ADGRL2: variants seen among roughly 807,000 people sequenced by gnomAD.
The protein encoded by ADGRL2 is calcium-independent alpha-latrotoxin receptor 2.
A neutral mutation model predicts 157.4 loss-of-function variants in ADGRL2; 44 were observed. The ratio of observed to expected loss-of-function variants is 0.28; its 90% CI spans 0.22 to 0.36. The LOEUF is 0.36. Ranked by LOEUF, ADGRL2 falls within the 10% of genes least tolerant of loss-of-function variation. ADGRL2 has a pLI of 1.00. For missense variants in ADGRL2, 1,510 were observed against 1,768.9 expected (o/e 0.85, Z 2.63); for synonymous variants, 585 against 624.7 (o/e 0.94, Z 0.95).
At chr1:81,462,331 T>G (rs1187610341) in intron 2 of ADGRL2, among the ~76,000 whole-genome samples, 1 of 152,182 alleles carries the variant, frequency 6.6e-6, no homozygotes, top group Admixed American at 6.5e-5. Context: ...TGTGGAAGGT[T>G]AGTTCTTTTG....
At chr1:81,433,517 C>G (rs1347805860) in intron 1 of ADGRL2, among the ~76,000 whole-genome samples, 6 of 152,020 alleles carry the variant, frequency 3.9e-5, no homozygotes, top group Non-Finnish European at 8.8e-5. Flanking sequence ...TCAGGAGCAC[C>G]CTGTGAAAGC....
At chr1:81,888,958 T>C (rs1240221222) in intron 2 of ADGRL2, among the ~76,000 whole-genome samples, 3 of 152,178 alleles carry the variant, frequency 2.0e-5, no homozygotes, top group African/African-American at 7.2e-5. Flanking sequence ...ATGTGTATTA[T>C]TGTAATTGGA....
At chr1:81,609,743 T>C (rs2081503032) in intron 3 of ADGRL2, among the ~76,000 whole-genome samples, 1 of 152,190 alleles carries the variant, frequency 6.6e-6, no homozygotes, top group South Asian at 2.1e-4. Flanking sequence ...CAGAGTCTTT[T>C]AAACCAATGT....
intron 2 of ADGRL2, among the ~76,000 whole-genome samples, chr1:81,776,228 G>A (rs965195065): frequency 4.1e-5 from 6 of 147,738 alleles, no homozygotes; most frequent in East Asian, 2.0e-4. Context: ...TCACTCTGTC[G>A]CCTAGGCTGG....
intron 3 of ADGRL2, among the ~76,000 whole-genome samples, chr1:81,598,197 G>T (rs1394909556): frequency 1.3e-5 from 2 of 152,148 alleles, no homozygotes; most frequent in Non-Finnish European, 2.9e-5. Context: ...GGGGTAGAAT[G>T]GTCTTGGTTA....
intron 1 of ADGRL2, chr1:81,721,804 C>T (rs1434216667): frequency 3.5e-6 from 4 of 1,129,014 alleles, no homozygotes; most frequent in Non-Finnish European, 4.0e-6. Flanking sequence ...TGGGAGCAGG[C>T]GGTAAAGTAC....
chr1:81,515,530 A>G (rs538946253), intron 2 of ADGRL2, among the ~76,000 whole-genome samples: 2 of 151,788 alleles, frequency 1.3e-5, no homozygotes, highest in Non-Finnish European at 2.9e-5. Flanking sequence ...TATAGACAGT[A>G]TAGTAGTTGG....
chr1:81,636,890 C>T (rs971363551), intron 3 of ADGRL2, among the ~76,000 whole-genome samples: 4 of 152,136 alleles, frequency 2.6e-5, no homozygotes, highest in African/African-American at 9.7e-5. Context: ...GATGGGAGTG[C>T]AGTGGCGCGA....
intron 3 of ADGRL2, among the ~76,000 whole-genome samples, chr1:81,651,032 A>G (rs1210504625): frequency 6.6e-6 from 1 of 152,216 alleles, no homozygotes; most frequent in African/African-American, 2.4e-5. Context: ...GAGATGTGCC[A>G]TGCCACATTT....
At chr1:81,970,624 A>G (rs915721016) in intron 16 of ADGRL2, 90 bp downstream of exon 16, 3 of 901,888 alleles carry the variant, frequency 3.3e-6, no homozygotes, top group African/African-American at 3.4e-5. Context: ...ACAGATTAAA[A>G]TAGCATCTGA....
chr1:81,435,822 T>C (rs1238879048), intron 1 of ADGRL2, among the ~76,000 whole-genome samples: 1 of 152,026 alleles, frequency 6.6e-6, no homozygotes, highest in African/African-American at 2.4e-5. Context: ...TCAGACAGGG[T>C]GCGGTGGCTC....
At chr1:81,381,276 A>T (rs145374512) in intron 1 of ADGRL2, among the ~76,000 whole-genome samples, 68 of 152,276 alleles carry the variant, frequency 4.5e-4, no homozygotes, top group African/African-American at 1.5e-3. Flanking sequence ...ATTTGGTTTC[A>T]TGTTACATTG....
intron 1 of ADGRL2, among the ~76,000 whole-genome samples, chr1:81,336,062 T>A (rs1014739838): frequency 1.3e-5 from 2 of 152,288 alleles, no homozygotes; most frequent in South Asian, 2.1e-4. Flanking sequence ...CAAGGGAGAT[T>A]ATTATCAGAC....
intron 1 of ADGRL2, among the ~76,000 whole-genome samples, chr1:81,820,193 G>A (rs1478119786): frequency 6.6e-6 from 1 of 152,126 alleles, no homozygotes; most frequent in African/African-American, 2.4e-5. Context: ...ACTCAGAGTA[G>A]GCTCTCAATG....
At chr1:81,864,316 T>C (rs1203861361) in intron 2 of ADGRL2, among the ~76,000 whole-genome samples, 1 of 150,764 alleles carries the variant, frequency 6.6e-6, no homozygotes, top group Non-Finnish European at 1.5e-5. Flanking sequence ...AGCATATATA[T>C]CAGTTGGCAA....
rs145670261 is a variant in ADGRL2 at position 81,556,312 on chromosome 1, ATTTTTTTT to A, written c.-247-24547_-247-24540del. 3.6e-3 allele frequency among the ~76,000 whole-genome samples: 316 copies of A among 87,128 alleles called. 1 individual carries two copies. The highest frequency in any genetic ancestry group is 8.1e-3 in the African/African-American group (172 of 21,224). The allele number at this position is 87,128 out of a possible 152,430, so 57.2% of individuals were successfully genotyped here. A position where few individuals can be genotyped will look rare whatever the true frequency, so the allele number is the denominator to read the frequency against. On this transcript the variant is annotated intron_variant, in intron 2 of 24. Coordinates refer to the ADGRL2 transcript ENST00000370721. ...ATCCCCCGATTCTCAGGCTGTCACA[ATTTTTTTT>A]TTTTTTTTTTTTTTTTGAGACAGAG...
At position 81,385,397 on chromosome 1, in the gene ADGRL2, T is replaced by C. The variant is rs183644006; in HGVS notation, c.-301-59639T>C. On this transcript the variant is annotated intron_variant, in intron 1 of 24. Coordinates refer to the ADGRL2 transcript ENST00000370721. ...AGGGCTAGAAAGATGTTCATATTAC[T>C]GCATTTGTGAAATGTGAAAATTTGT... 1.5e-4 allele frequency among the ~76,000 whole-genome samples: 23 copies of C among 152,266 alleles called. No individual in the cohort carries two copies. The East Asian group carries it at 4.2e-3, about 28-fold the overall frequency.
At chr1:81,387,380 A>T (rs916773874) in intron 1 of ADGRL2, among the ~76,000 whole-genome samples, 1 of 152,144 alleles carries the variant, frequency 6.6e-6, no homozygotes, top group African/African-American at 2.4e-5. Flanking sequence ...AAGTTTTTTT[A>T]AGTTTCATAT....
chr1:81,528,039 T>C (rs777763850), intron 2 of ADGRL2, among the ~76,000 whole-genome samples: 43 of 151,842 alleles, frequency 2.8e-4, no homozygotes, highest in South Asian at 6.2e-4. Flanking sequence ...TGCACTCCAG[T>C]CTGGGCCACA....
Sources: gnomAD v4.1 joint callset for allele counts (sites outside exome capture counted in the v4.1 genomes callset) on GRCh38, gnomAD v4.1.1 for gene constraint, MANE v1.5 for transcripts, NCBI Gene and HGNC (gene_info 2026-07-23, HGNC 2026-07-21) for gene names.